ANKRD11: variants seen among roughly 807,000 people sequenced by gnomAD.
ANKRD11 encodes the protein ankyrin repeat domain-containing protein 11.
A neutral mutation model predicts 195.7 loss-of-function variants in ANKRD11; 17 were observed. The ratio of observed to expected loss-of-function variants is 0.09; its 90% CI spans 0.06 to 0.13. ANKRD11 has a LOEUF of 0.13. ANKRD11 is among the 10% of genes least tolerant of loss of function. The pLI, the probability that ANKRD11 is intolerant of heterozygous loss-of-function variation, is 1.00. For synonymous variants in ANKRD11, 1,953 were observed against 1,528.1 expected, an observed-to-expected ratio of 1.28 and a Z score of -6.49; for missense variants, 3,735 against 3,566.1, an observed-to-expected ratio of 1.05 and a Z score of -1.21.
chr16:89,425,513 T>A (rs183402234), intron 1 of ANKRD11, among the ~76,000 whole-genome samples: 42 of 152,292 alleles, frequency 2.8e-4, no homozygotes, highest in African/African-American at 1.0e-3. Flanking sequence ...CCCACAATGG[T>A]GCCAGGAGCC....
At chr16:89,311,526 C>T (rs2036606034) in intron 3 of ANKRD11, among the ~76,000 whole-genome samples, 1 of 152,066 alleles carries the variant, frequency 6.6e-6, no homozygotes, top group South Asian at 2.1e-4. Flanking sequence ...TACCTCACAC[C>T]ACATACAAAA....
intron 11 of ANKRD11, 132 bp from the exon 12 acceptor site, chr16:89,271,041 C>T (rs969311846): frequency 2.5e-6 from 2 of 798,148 alleles, no homozygotes. Context: ...CCACCGCGCA[C>T]ACACTGAATC....
At chr16:89,473,469 G>A (rs1460823984) in intron 1 of ANKRD11, among the ~76,000 whole-genome samples, 2 of 152,212 alleles carry the variant, frequency 1.3e-5, no homozygotes, top group Non-Finnish European at 2.9e-5. Flanking sequence ...AGGCAGGACA[G>A]TGGGAAATGC....
intron 11 of ANKRD11, 40 bp from the exon 12 acceptor site, chr16:89,270,949 G>A: frequency 6.2e-7 from 1 of 1,603,180 alleles, no homozygotes. Context: ...AGGAGCCCCA[G>A]AGACCGCTAC....
chr16:89,424,753 G>C (rs2042649406), intron 1 of ANKRD11, among the ~76,000 whole-genome samples: 1 of 152,122 alleles, frequency 6.6e-6, no homozygotes, highest in African/African-American at 2.4e-5. Context: ...GGCTGGAAGG[G>C]GCAAATGTGG....
At position 89,282,651 on chromosome 16, in the gene ANKRD11, G is replaced by T; in HGVS notation, c.3891C>A (p.Asn1297Lys). Residue 1297 changes from asparagine to lysine, a missense_variant, in exon 9 of 13, where the codon AAC becomes AAA. By Grantham distance (94) the Asn-to-Lys change is moderately conservative. Coordinates refer to ENST00000301030, the MANE Select transcript of ANKRD11 (RefSeq NM_013275.6). ...EALHEYREDSNDKISEVSSDS... is the reference protein window; with the variant it reads ...EALHEYREDSKDKISEVSSDS... ...CAGAGGAGACCTCGCTGATTTTATC[G>T]TTGGAGTCTTCTCTGTACTCATGGA... 6.2e-7 allele frequency: 1 copy of T among 1,614,020 alleles called. No individual in the cohort carries two copies. Among genetic ancestry groups the T allele is most frequent in the East Asian group, 2.2e-5 (1 of 44,882 alleles).
chr16:89,329,408 G>C (rs1181136106), intron 2 of ANKRD11, among the ~76,000 whole-genome samples: 2 of 152,178 alleles, frequency 1.3e-5, no homozygotes, highest in East Asian at 3.9e-4. Flanking sequence ...GGAAAAAAAA[G>C]GGAGAAAAAA....
chr16:89,278,998 A>G (rs1567551472), intron 9 of ANKRD11, 74 bp downstream of exon 9: 1 of 1,583,902 alleles, frequency 6.3e-7, no homozygotes, highest in Admixed American at 1.8e-5. Context: ...GACGGGCTGG[A>G]GGAAGCCGTG....
intron 2 of ANKRD11, among the ~76,000 whole-genome samples, chr16:89,369,817 G>C (rs1284709431): frequency 6.6e-6 from 1 of 152,224 alleles, no homozygotes; most frequent in Non-Finnish European, 1.5e-5. Flanking sequence ...ATACTGTTCA[G>C]TGTGCAAAAT....
In ANKRD11 at chr16:89,305,201, G is replaced by T; in HGVS notation, c.226+5C>A. Reference sequence around the variant, plus strand: ...CTGACTGCAGGAGGGGCCGCGGGCTGGTACCTGTGTCCGAGTCCTTCTGCT... The same window carrying T: ...CTGACTGCAGGAGGGGCCGCGGGCTTGTACCTGTGTCCGAGTCCTTCTGCT... On this transcript the variant is annotated splice_donor_5th_base_variant and intron_variant, in intron 4 of 12. Transcript: ENST00000301030. 1.2e-6 allele frequency: 2 copies of T among 1,611,504 alleles called. No homozygotes were observed. The highest frequency in any genetic ancestry group is 1.1e-5 in the South Asian group (1 of 91,032).
In ANKRD11 at chr16:89,284,024, G is replaced by C. The variant is rs761259443; in HGVS notation, c.2518C>G (p.Arg840Gly). ...KFSLSDDQRD[R>G]WFSDLSDSSF... ...GAATCGGACAAGTCAGAAAACCACC[G>C]ATCTCGCTGATCGTCAGAAAGGCTA... The change falls in exon 9 of 13, where the codon CGG becomes GGG. Residue 840 changes from arginine (R) to glycine (G), a missense_variant. Coordinates refer to ENST00000301030, the MANE Select transcript of ANKRD11 (RefSeq NM_013275.6). 2 of 1,614,022 alleles carry C rather than the reference G, an allele frequency of 1.2e-6. No homozygotes were observed. Among genetic ancestry groups the C allele is most frequent in the Non-Finnish European group, 1.7e-6 (2 of 1,180,018 alleles).
chr16:89,407,805 C>T (rs1348865485), intron 2 of ANKRD11, among the ~76,000 whole-genome samples: 1 of 145,076 alleles, frequency 6.9e-6, no homozygotes, highest in Non-Finnish European at 1.5e-5. Flanking sequence ...AGCCGTGATC[C>T]GGCCACTGCA....
chr16:89,470,614 G>C lies in ANKRD11; in HGVS notation c.-145+19631C>G, dbSNP rs528577790. Among the ~76,000 whole-genome samples the C allele has an allele frequency of 2.7e-3, 406 of 152,316 alleles. 2 individuals carry two copies. Among genetic ancestry groups the C allele is most frequent in the African/African-American group, 9.3e-3 (386 of 41,584 alleles). Reference sequence around the variant, plus strand: ...TAATCCCAGCACTTTGGGAGGCAAAGGCAGGTAGATCACAAGGTCAGGAGA... The same window carrying C: ...TAATCCCAGCACTTTGGGAGGCAAACGCAGGTAGATCACAAGGTCAGGAGA... On this transcript the variant is annotated intron_variant, in intron 1 of 12. Coordinates refer to ENST00000301030, the MANE Select transcript of ANKRD11 (RefSeq NM_013275.6).
At chr16:89,449,519 C>G (rs2043966563) in intron 1 of ANKRD11, among the ~76,000 whole-genome samples, 1 of 151,720 alleles carries the variant, frequency 6.6e-6, no homozygotes, top group African/African-American at 2.4e-5. Context: ...GCAGGCCGGG[C>G]GTGGTGGCTC....
chr16:89,442,922 C>G (rs1179267062), intron 1 of ANKRD11, among the ~76,000 whole-genome samples: 3 of 152,220 alleles, frequency 2.0e-5, no homozygotes, highest in Admixed American at 6.5e-5. Flanking sequence ...CAGCCTCTGC[C>G]TCTTTCATTA....
chr16:89,290,590 G>T, intron 6 of ANKRD11, 35 bp downstream of exon 6: 1 of 1,607,072 alleles, frequency 6.2e-7, no homozygotes, highest in Non-Finnish European at 8.5e-7. Context: ...GCTCCAGTGG[G>T]GCTCTCTGGC....
intron 1 of ANKRD11, chr16:89,489,325 AC>A (rs1192663209): frequency 6.6e-6 from 1 of 152,180 alleles, no homozygotes; most frequent in African/African-American, 2.4e-5. Flanking sequence ...ATTTCAGGCA[AC>A]GTCTCACATT....
intron 1 of ANKRD11, among the ~76,000 whole-genome samples, chr16:89,462,932 G>A (rs965199278): frequency 2.4e-4 from 36 of 151,358 alleles, no homozygotes; most frequent in African/African-American, 7.8e-4. Context: ...TGCCCCGTCC[G>A]GGAGGGAGGT....
intron 2 of ANKRD11, among the ~76,000 whole-genome samples, chr16:89,359,410 G>C (rs1361554473): frequency 2.0e-5 from 3 of 152,208 alleles, no homozygotes; most frequent in African/African-American, 7.2e-5. Context: ...CCCAGCAGAG[G>C]AGCAGGAAGA....
Sources: gnomAD v4.1 joint callset for allele counts (sites outside exome capture counted in the v4.1 genomes callset) on GRCh38, gnomAD v4.1.1 for gene constraint, MANE v1.5 for transcripts, NCBI Gene and HGNC (gene_info 2026-07-23, HGNC 2026-07-21) for gene names.